Variants in RERE observed in about 807,000 individuals in gnomAD.
RERE encodes arginine-glutamic acid dipeptide repeats.
A neutral mutation model predicts 146.1 loss-of-function variants in RERE; 40 were observed. The ratio of observed to expected loss-of-function variants is 0.27; its 90% CI spans 0.21 to 0.36. The LOEUF (loss-of-function observed/expected upper bound fraction) is 0.36. Among genes scored for constraint, RERE ranks in the 10% least tolerant of loss-of-function variants. The pLI is 1.00. For synonymous variants in RERE, 1,003 were observed against 866.0 expected, an observed-to-expected ratio of 1.16 and a Z score of -2.78; for missense variants, 1,933 against 2,138.7, an observed-to-expected ratio of 0.90 and a Z score of 1.90.
intron 6 of RERE, among the ~76,000 whole-genome samples, chr1:8,552,283 C>CATCAA (rs1451854724): frequency 6.6e-6 from 1 of 152,226 alleles, no homozygotes; most frequent in Non-Finnish European, 1.5e-5. Flanking sequence ...AAACCTTATA[C>CATCAA]ATCAGTTTCC....
chr1:8,526,780 T>G (rs1414820314), intron 7 of RERE, among the ~76,000 whole-genome samples: 1 of 152,172 alleles, frequency 6.6e-6, no homozygotes, highest in South Asian at 2.1e-4. Context: ...CACAAACACA[T>G]GAACATCCAA....
At chr1:8,632,010 CA>C (rs1250642609) in intron 2 of RERE, among the ~76,000 whole-genome samples, 1 of 152,154 alleles carries the variant, frequency 6.6e-6, no homozygotes, top group East Asian at 1.9e-4. Flanking sequence ...ATTCTATCCT[CA>C]ATTTAACGAC....
chr1:8,438,307 G>GA (rs2124489834), intron 11 of RERE, among the ~76,000 whole-genome samples: 1 of 152,028 alleles, frequency 6.6e-6, no homozygotes, highest in African/African-American at 2.4e-5. Context: ...ACTCCTGTAG[G>GA]AAAAAAATCA....
intron 1 of RERE, among the ~76,000 whole-genome samples, chr1:8,764,588 G>T (rs572988373): frequency 2.0e-5 from 3 of 152,074 alleles, no homozygotes; most frequent in South Asian, 4.1e-4. Flanking sequence ...TTCAAGGAAG[G>T]CTCCCTGAAG....
intron 4 of RERE, among the ~76,000 whole-genome samples, chr1:8,609,719 A>T (rs1646768359): frequency 6.6e-6 from 1 of 152,210 alleles, no homozygotes; most frequent in African/African-American, 2.4e-5. Context: ...TTTCCAAAAG[A>T]GCATTTTATA....
At chr1:8,733,163 T>G (rs1240575160) in intron 1 of RERE, among the ~76,000 whole-genome samples, 1 of 152,054 alleles carries the variant, frequency 6.6e-6, no homozygotes, top group East Asian at 1.9e-4. Flanking sequence ...GTATAAAGTT[T>G]ATTTAAAAAA....
At chr1:8,755,034 T>C (rs1360292868) in intron 1 of RERE, among the ~76,000 whole-genome samples, 1 of 152,268 alleles carries the variant, frequency 6.6e-6, no homozygotes, top group Non-Finnish European at 1.5e-5. Flanking sequence ...AGCCTTGTCA[T>C]TCAGTACAGT....
intron 1 of RERE, chr1:8,786,324 GT>G: frequency 2.3e-6 from 2 of 874,274 alleles, no homozygotes; most frequent in Admixed American, 1.7e-5. Flanking sequence ...GCCACAGGAA[GT>G]TATTTGCTTC....
intron 12 of RERE, among the ~76,000 whole-genome samples, chr1:8,377,034 G>A (rs1036126295): frequency 1.3e-5 from 2 of 152,158 alleles, no homozygotes; most frequent in African/African-American, 4.8e-5. Flanking sequence ...ACTGACAGTG[G>A]CCTAACTTCA....
chr1:8,433,977 A>C (rs991385538), intron 11 of RERE, among the ~76,000 whole-genome samples: 15 of 152,140 alleles, frequency 9.9e-5, no homozygotes, highest in Admixed American at 1.3e-4. Context: ...TCTTTTTCCT[A>C]ATCTTCCAAA....
At chr1:8,697,196 T>C (rs771673739) in intron 1 of RERE, among the ~76,000 whole-genome samples, 2 of 152,114 alleles carry the variant, frequency 1.3e-5, no homozygotes, top group Admixed American at 6.5e-5. Context: ...CCAAAAAACA[T>C]ACACATAAGA....
At chr1:8,363,860 T>TGG (rs1557589672) in intron 15 of RERE, 196 bp downstream of exon 15, 2 of 605,330 alleles carry the variant, frequency 3.3e-6, no homozygotes, top group Admixed American at 5.9e-5. Context: ...GATGCCACCC[T>TGG]GGGGCCCCTC....
intron 11 of RERE, among the ~76,000 whole-genome samples, chr1:8,462,570 T>G (rs1570278280): frequency 6.6e-6 from 1 of 152,256 alleles, no homozygotes; most frequent in Non-Finnish European, 1.5e-5. Flanking sequence ...GCCCAGCCTG[T>G]CCGCTGCACA....
chr1:8,456,401 A>C (rs1248101991), intron 11 of RERE, among the ~76,000 whole-genome samples: 2 of 152,194 alleles, frequency 1.3e-5, no homozygotes, highest in South Asian at 4.1e-4. Context: ...ACAAATGCTG[A>C]ATTTATAGTA....
At chr1:8,483,255 C>T (rs2124188655) in intron 10 of RERE, among the ~76,000 whole-genome samples, 1 of 152,324 alleles carries the variant, frequency 6.6e-6, no homozygotes, top group East Asian at 1.9e-4. Context: ...TGGATAGAAA[C>T]ATTTAAGTAA....
intron 11 of RERE, among the ~76,000 whole-genome samples, chr1:8,432,592 C>T (rs1644110429): frequency 6.6e-6 from 1 of 152,182 alleles, no homozygotes; most frequent in African/African-American, 2.4e-5. Flanking sequence ...GCACTTCTGC[C>T]ATTAAAAGGT....
At chr1:8,480,526 C>T (rs1370257734) in intron 10 of RERE, among the ~76,000 whole-genome samples, 3 of 151,516 alleles carry the variant, frequency 2.0e-5, no homozygotes, top group African/African-American at 7.3e-5. Context: ...AACTCCACCT[C>T]CCAGGTTCAA....
chr1:8,643,533 T>C (rs963692990), intron 2 of RERE, among the ~76,000 whole-genome samples: 3 of 152,240 alleles, frequency 2.0e-5, no homozygotes, highest in African/African-American at 4.8e-5. Context: ...TCAAACCCTA[T>C]GCAACTCTGA....
Position 8,601,017 on chromosome 1 carries a change from C to CTTTTTTTT in RERE, c.522+13536_522+13543dup, listed in dbSNP as rs34455445. On this transcript the variant is annotated intron_variant, in intron 4 of 22. Coordinates refer to ENST00000400908, the MANE Select transcript of RERE (RefSeq NM_001042681.2). ...GATCCGCCTGCCTCGGTCTCCCAAA[C>CTTTTTTTT]TTTTTTTTTTTTTTTTTTTTGAGAC... Among the ~76,000 whole-genome samples the CTTTTTTTT allele has an allele frequency of 6.3e-5, 6 of 95,070 alleles. 1 individual carries two copies. The highest frequency in any genetic ancestry group is 3.3e-4 in the East Asian group (1 of 3,064). 62.4% of individuals were successfully genotyped at this position (95,070 alleles called of 152,430 possible). A position where few individuals can be genotyped will look rare whatever the true frequency, so the allele number is the denominator to read the frequency against.
Sources: gnomAD v4.1 joint callset for allele counts (sites outside exome capture counted in the v4.1 genomes callset) on GRCh38, gnomAD v4.1.1 for gene constraint, MANE v1.5 for transcripts, NCBI Gene and HGNC (gene_info 2026-07-23, HGNC 2026-07-21) for gene names.